The following DLC1 variants were observed in gnomAD, a reference collection of about 807,000 sequenced individuals.
DLC1 encodes the protein DLC1 Rho GTPase activating protein.
In DLC1, 54 loss-of-function variants were observed where a neutral mutation model predicts 140.3. That is an observed-to-expected ratio of 0.38 (90% confidence interval 0.31 to 0.48). The LOEUF (loss-of-function observed/expected upper bound fraction) is 0.48, where lower values mean the gene tolerates loss of function less well. Among genes scored for constraint, DLC1 ranks in the 20% least tolerant of loss-of-function variants. The pLI, the probability that DLC1 is intolerant of heterozygous loss-of-function variation, is 0.96. For missense variants in DLC1, 2,536 were observed against 1,907.0 expected, an observed-to-expected ratio of 1.33 and a Z score of -6.14; for synonymous variants, 986 against 728.1, an observed-to-expected ratio of 1.35 and a Z score of -5.70.
intron 2 of DLC1, among the ~76,000 whole-genome samples, chr8:13,486,719 G>A (rs956673280): frequency 4.4e-4 from 26 of 58,562 alleles, no homozygotes; most frequent in Non-Finnish European, 5.2e-4. Flanking sequence ...TTGTTTGTAA[G>A]ATGACACCTA....
intron 4 of DLC1, among the ~76,000 whole-genome samples, chr8:13,351,727 T>TTTAAGAAATA (rs1834675329): frequency 6.6e-6 from 1 of 152,190 alleles, no homozygotes; most frequent in Non-Finnish European, 1.5e-5. Flanking sequence ...TATCTGATCC[T>TTTAAGAAATA]TTATAGAAAA....
intron 10 of DLC1, 85 bp downstream of exon 10, chr8:13,098,314 T>C (rs1818684461): frequency 6.7e-7 from 1 of 1,487,366 alleles, no homozygotes; most frequent in African/African-American, 1.4e-5. Flanking sequence ...GAGAGAAGTG[T>C]CATTTTTTAC....
At chr8:13,393,532 C>T in intron 4 of DLC1, 21 bp downstream of exon 4, 1 of 1,608,764 alleles carries the variant, frequency 6.2e-7, no homozygotes, top group Non-Finnish European at 8.5e-7. Context: ...TAGAGACTCT[C>T]TGTTATTATT....
intron 4 of DLC1, among the ~76,000 whole-genome samples, chr8:13,344,956 G>T (rs964106117): frequency 7.2e-5 from 11 of 152,126 alleles, no homozygotes; most frequent in Non-Finnish European, 8.8e-5. Context: ...GGATAATGAG[G>T]GGATAAAGGG....
chr8:13,499,899 C>T lies in DLC1; in HGVS notation c.173G>A (p.Cys58Tyr). The T allele has an allele frequency of 1.9e-6, 3 of 1,614,102 alleles. No homozygotes were observed. The highest frequency in any genetic ancestry group is 2.5e-6 in the Non-Finnish European group (3 of 1,179,992). ...ATGACAGCAGTCAGGTAGTGAAACACACTTCTCTTTGCGGTCCACATTTAG... is the reference window on the plus strand; with the variant it reads ...ATGACAGCAGTCAGGTAGTGAAACATACTTCTCTTTGCGGTCCACATTTAG... ...ATLNVDRKEK[C>Y]VSLPDCCHGS... is the part of the protein sequence containing the mutation. Residue 58 changes from cysteine to tyrosine, a missense_variant, in exon 2 of 18, where the codon TGT becomes TAT. By Grantham distance (194) the Cys-to-Tyr change is radical. Coordinates refer to ENST00000276297, the MANE Select transcript of DLC1 (RefSeq NM_182643.3).
chr8:13,185,049 G>A (rs947252474), intron 5 of DLC1, among the ~76,000 whole-genome samples: 1 of 148,962 alleles, frequency 6.7e-6, no homozygotes, highest in Non-Finnish European at 1.5e-5. Context: ...TTACCATTGT[G>A]TAATGGCCTT....
chr8:13,209,136 C>A (rs1438657880), intron 5 of DLC1, among the ~76,000 whole-genome samples: 1 of 152,126 alleles, frequency 6.6e-6, no homozygotes, highest in African/African-American at 2.4e-5. Flanking sequence ...GACTGGGGAA[C>A]TGCTTTTTCA....
intron 4 of DLC1, among the ~76,000 whole-genome samples, chr8:13,377,615 C>A (rs1329059172): frequency 6.6e-6 from 1 of 152,120 alleles, no homozygotes; most frequent in Non-Finnish European, 1.5e-5. Context: ...TCTATACTTT[C>A]CTGTGCATTT....
chr8:13,122,217 C>G (rs1465934594), intron 5 of DLC1, among the ~76,000 whole-genome samples: 4 of 152,168 alleles, frequency 2.6e-5, no homozygotes, highest in Admixed American at 6.5e-5. Flanking sequence ...AAATACAATC[C>G]AAACTCCTCA....
chr8:13,237,265 GTATA>G, intron 5 of DLC1, among the ~76,000 whole-genome samples: 1 of 142,250 alleles, frequency 7.0e-6, no homozygotes, highest in East Asian at 2.0e-4. Flanking sequence ...ATATATGTGA[GTATA>G]TAGGTGTATA....
At chr8:13,226,223 A>G (rs1828791584) in intron 5 of DLC1, among the ~76,000 whole-genome samples, 1 of 152,228 alleles carries the variant, frequency 6.6e-6, no homozygotes, top group Admixed American at 6.5e-5. Context: ...CTGATTAATA[A>G]ATTTGAATGT....
At chr8:13,299,669 T>C (rs1278507342) in intron 5 of DLC1, among the ~76,000 whole-genome samples, 1 of 151,788 alleles carries the variant, frequency 6.6e-6, no homozygotes, top group East Asian at 1.9e-4. Flanking sequence ...AAATAGAAAA[T>C]ATCAGAAGTA....
At chr8:13,580,073 C>T (rs1413288925) in intron 1 of DLC1, among the ~76,000 whole-genome samples, 2 of 152,034 alleles carry the variant, frequency 1.3e-5, no homozygotes, top group African/African-American at 4.8e-5. Context: ...GGGCCCCAAT[C>T]CCATATTCTC....
chr8:13,206,678 A>C (rs1449128599), intron 5 of DLC1, among the ~76,000 whole-genome samples: 1 of 152,158 alleles, frequency 6.6e-6, no homozygotes, highest in African/African-American at 2.4e-5. Flanking sequence ...AAGTGCACAA[A>C]ATGCTATAGA....
At chr8:13,214,581 G>C in intron 5 of DLC1, 2 of 568,016 alleles carry the variant, frequency 3.5e-6, no homozygotes, top group South Asian at 5.0e-5. Flanking sequence ...TTTTGTGGCT[G>C]CCCGAGGAAA....
chr8:13,145,092 A>G (rs1823317648), intron 5 of DLC1, among the ~76,000 whole-genome samples: 1 of 152,200 alleles, frequency 6.6e-6, no homozygotes, highest in Non-Finnish European at 1.5e-5. Context: ...TAAATATCTC[A>G]TGAACTGAGG....
intron 1 of DLC1, among the ~76,000 whole-genome samples, chr8:13,508,293 A>C (rs1443544450): frequency 1.3e-5 from 2 of 152,194 alleles, no homozygotes; most frequent in African/African-American, 2.4e-5. Flanking sequence ...ATTTGAGGAA[A>C]CTGGGAATAT....
At chr8:13,490,812 G>A (rs1801199887) in intron 2 of DLC1, among the ~76,000 whole-genome samples, 1 of 151,956 alleles carries the variant, frequency 6.6e-6, no homozygotes, top group Admixed American at 6.6e-5. Flanking sequence ...TTGGGTTAAT[G>A]TGAACTCATT....
intron 7 of DLC1, among the ~76,000 whole-genome samples, chr8:13,107,052 T>C (rs996854456): frequency 6.6e-6 from 1 of 152,222 alleles, no homozygotes; most frequent in African/African-American, 2.4e-5. Flanking sequence ...AATTGCATTA[T>C]ATAGTAAAGC....
Sources: allele counts gnomAD v4.1 joint callset (sites outside exome capture counted in the v4.1 genomes callset), GRCh38; gene constraint gnomAD v4.1.1; transcripts MANE v1.5; gene names NCBI Gene and HGNC (gene_info 2026-07-23, HGNC 2026-07-21).